Variants in AUP1 observed in about 807,000 individuals in gnomAD.
AUP1 encodes the protein AUP1 lipid droplet regulating VLDL assembly factor.
In AUP1, 30 loss-of-function variants were observed where a neutral mutation model predicts 51.8. That is an observed-to-expected ratio of 0.58 (90% CI 0.43 to 0.79). AUP1 has a LOEUF of 0.79. AUP1 is among the 30% of genes least tolerant of loss of function. AUP1 has a pLI of 0.00. For synonymous variants in AUP1, 227 were observed against 209.0 expected, an observed-to-expected ratio of 1.09 and a Z score of -0.74; for missense variants, 492 against 517.1, an observed-to-expected ratio of 0.95 and a Z score of 0.47.
chr2:74,528,181 G>T, intron 6 of AUP1, 67 bp downstream of exon 6: 1 of 1,527,462 alleles, frequency 6.5e-7, no homozygotes, highest in South Asian at 1.1e-5. Flanking sequence ...ACAGGGCAGA[G>T]GCCACTAATT....
At position 74,526,654 on chromosome 2, in the gene AUP1, G is replaced by A. The variant is rs952569773; in HGVS notation, c.*146C>T. On this transcript the variant is annotated 3_prime_UTR_variant, in exon 12 of 12. Coordinates refer to ENST00000377526, the MANE Select transcript of AUP1 (RefSeq NM_181575.5). The stretch of plus-strand genomic sequence containing the variant: ...GACCGAGAGAGACAACAGATGCCTT[G>A]AATGAAAACCATGAATTTAATGTGA... The A allele has an allele frequency of 3.8e-6, 4 of 1,060,960 alleles. No individual in the cohort carries two copies. Among genetic ancestry groups the A allele is most frequent in the Non-Finnish European group, 5.4e-6 (4 of 744,764 alleles). 65.7% of individuals were successfully genotyped at this position (1,060,960 alleles called of 1,614,324 possible). A position where few individuals can be genotyped will look rare whatever the true frequency, so the allele number is the denominator to read the frequency against.
chr2:74,527,236 C>T lies in AUP1; in HGVS notation c.1077+12G>A. On this transcript the variant is annotated intron_variant, in intron 10 of 11. Transcript: ENST00000377526. ...CCCCAACACTTGGATCTGACCATTT[C>T]CTGGGTCTCACCTTGGAGGCAGAGG... is the stretch of plus-strand genomic sequence containing the variant. The T allele has an allele frequency of 3.7e-6, 6 of 1,611,900 alleles. No individual in the cohort carries two copies. Among genetic ancestry groups the T allele is most frequent in the Non-Finnish European group, 5.1e-6 (6 of 1,178,730 alleles).
chr2:74,526,717 C>T lies in AUP1; in HGVS notation c.*83G>A, dbSNP rs190697890. On this transcript the variant is annotated 3_prime_UTR_variant, in exon 12 of 12. Transcript: ENST00000377526. The stretch of plus-strand genomic sequence containing the variant: ...CTCATCCTTCCCTTTTTACCACCCA[C>T]CCATCCAGCCTGTTGTGAGTTGGGT... 2,632 of 1,444,982 alleles carry T rather than the reference C, an allele frequency of 1.8e-3. 6 individuals are homozygous for T. Among genetic ancestry groups the T allele is most frequent in the Non-Finnish European group, 2.2e-3 (2,344 of 1,076,580 alleles). 89.5% of individuals were successfully genotyped at this position (1,444,982 alleles called of 1,614,324 possible).
At chr2:74,528,512 G>A (rs1413283612) in intron 4 of AUP1, 23 bp from the exon 5 acceptor site, 1 of 1,598,492 alleles carries the variant, frequency 6.3e-7, no homozygotes, top group South Asian at 1.1e-5. Context: ...GGAGAAAGTA[G>A]GATGGGAATC....
intron 4 of AUP1, 114 bp from the exon 5 acceptor site, chr2:74,528,603 G>A (rs1675318889): frequency 3.6e-6 from 5 of 1,383,764 alleles, no homozygotes; most frequent in Non-Finnish European, 4.1e-6. Flanking sequence ...GAAGAATGAA[G>A]GGATTCAGGA....
chr2:74,527,503 T>C lies in AUP1; in HGVS notation c.929A>G (p.His310Arg). ...LAQRVKEVLP[H>R]VPLGVIQRDL... ...TCTCTGGATGACACCCAATGGCACA[T>C]GGGGCAAAACTTCCTTGACTCTCTG... Residue 310 changes from histidine to arginine, a missense_variant, in exon 9 of 12, where the codon CAT becomes CGT. His to Arg is a conservative substitution (Grantham distance 29, BLOSUM62 0). Transcript: ENST00000377526. 1 of 1,613,838 alleles carries C rather than the reference T, an allele frequency of 6.2e-7. No homozygotes were observed. Among genetic ancestry groups the C allele is most frequent in the Non-Finnish European group, 8.5e-7 (1 of 1,179,928 alleles).
At chr2:74,528,376 C>T in intron 5 of AUP1, 41 bp downstream of exon 5, 1 of 1,611,708 alleles carries the variant, frequency 6.2e-7, no homozygotes, top group South Asian at 1.1e-5. Context: ...GGGAAATTTC[C>T]CCTTCAAGCC....
At chr2:74,527,897 T>C in intron 7 of AUP1, 43 bp downstream of exon 7, 1 of 1,613,628 alleles carries the variant, frequency 6.2e-7, no homozygotes, top group South Asian at 1.1e-5. Context: ...CCTCTCCTCC[T>C]AAGCAGGGAC....
Position 74,527,691 on chromosome 2 carries a change from G to A in AUP1, c.841+45C>T, listed in dbSNP as rs201835560. The A allele has an allele frequency of 4.8e-5, 59 of 1,219,306 alleles. No homozygotes were observed. The highest frequency in any genetic ancestry group is 4.5e-4 in the Admixed American group (21 of 46,494). The allele number at this position is 1,219,306 out of a possible 1,614,324, so 75.5% of individuals were successfully genotyped here. A position where few individuals can be genotyped will look rare whatever the true frequency, so the allele number is the denominator to read the frequency against. On this transcript the variant is annotated intron_variant, in intron 8 of 11. Coordinates refer to ENST00000377526, the MANE Select transcript of AUP1 (RefSeq NM_181575.5). ...AATAGGGGAGGAATCACAGTAGGCC[G>A]AAAAAAAAAAACCCCAAAAGCTGTA...
intron 4 of AUP1, 62 bp from the exon 5 acceptor site, chr2:74,528,551 G>A (rs1309061448): frequency 2.0e-6 from 3 of 1,477,986 alleles, no homozygotes; most frequent in African/African-American, 2.8e-5. Context: ...GCTCACACCT[G>A]CCTTATAACA....
rs372463403 is a variant in AUP1, at chr2:74,528,737, T to G, written c.524+14A>C. The G allele has an allele frequency of 6.7e-4, 1,058 of 1,574,090 alleles. 1 individual carries two copies. The highest frequency in any genetic ancestry group is 1.6e-3 in the Admixed American group (85 of 52,122). The stretch of plus-strand genomic sequence containing the variant: ...ACCTACCCAGCTGGCGCCCCATACC[T>G]GTGCTAAACCCACCTGAAGCGCAGG... On this transcript the variant is annotated intron_variant, in intron 4 of 11. Coordinates refer to ENST00000377526, the MANE Select transcript of AUP1 (RefSeq NM_181575.5).
chr2:74,527,887 C>G (rs767507069), intron 7 of AUP1, 49 bp from the exon 8 acceptor site: 3 of 1,613,448 alleles, frequency 1.9e-6, no homozygotes, highest in Non-Finnish European at 2.5e-6. Context: ...AGCTTTCCTC[C>G]CTCTCCTCCT....
chr2:74,529,356 C>A lies in AUP1; in HGVS notation c.188+6G>T. 1 of 1,612,302 alleles carries A rather than the reference C, an allele frequency of 6.2e-7. No homozygotes were observed. The highest frequency in any genetic ancestry group is 8.5e-7 in the Non-Finnish European group (1 of 1,179,212). On this transcript the variant is annotated splice_donor_region_variant and intron_variant, in intron 2 of 11. Transcript: ENST00000377526. ...TCTGACACTCCCCGAACGCCCGCGT[C>A]GGAACCTGCGAAGGACGCTGTCTGG...
At position 74,527,774 on chromosome 2, in the gene AUP1, A is replaced by G; in HGVS notation, c.803T>C (p.Met268Thr). ...CAATCTGGGGTGTCTTTGTCGCTTC[A>G]TGTGCTCTGCTTTGTCAGCTGGAGT... ...RLTPADKAEH[M>T]KRQRHPRLRP... is the part of the protein sequence containing the mutation. Residue 268 changes from methionine (M) to threonine (T), a missense_variant, in exon 8 of 12, where the codon ATG becomes ACG. By Grantham distance (81) the Met-to-Thr change is moderately conservative. Coordinates refer to ENST00000377526, the MANE Select transcript of AUP1 (RefSeq NM_181575.5). 2 of 1,613,820 alleles carry G rather than the reference A, an allele frequency of 1.2e-6. No individual in the cohort carries two copies. Among genetic ancestry groups the G allele is most frequent in the East Asian group, 2.2e-5 (1 of 44,874 alleles).
rs745782270 is a variant in AUP1 at position 74,527,762 on chromosome 2, C to T, written c.815G>A (p.Arg272Lys). ...TGACTGGGGGCGCAATCTGGGGTGT[C>T]TTTGTCGCTTCATGTGCTCTGCTTT... ...ADKAEHMKRQ[R>K]HPRLRPQSAQ... The change falls in exon 8 of 12, where the codon AGA becomes AAA. Residue 272 changes from arginine to lysine, a missense_variant. Physicochemically the swap from Arg to Lys is conservative, Grantham distance 26. Transcript: ENST00000377526. The T allele has an allele frequency of 9.9e-6, 16 of 1,613,866 alleles. No individual in the cohort carries two copies. The highest frequency in any genetic ancestry group is 1.4e-5 in the Non-Finnish European group (16 of 1,180,008).
intron 10 of AUP1, 87 bp downstream of exon 10, chr2:74,527,161 C>A: frequency 1.2e-6 from 2 of 1,603,012 alleles, no homozygotes; most frequent in South Asian, 2.2e-5. Context: ...GTCTCAGGAT[C>A]AAAAAAGAAA....
rs774720493 is a variant in AUP1 at position 74,527,586 on chromosome 2, C to T, written c.846G>A (p.Gln282=). 3.1e-6 allele frequency: 5 copies of T among 1,598,838 alleles called. No individual in the cohort carries two copies. Among genetic ancestry groups the T allele is most frequent in the South Asian group, 2.3e-5 (2 of 88,152 alleles). Residue 282 remains glutamine (Q), a synonymous_variant, in exon 9 of 12, where the codon CAG becomes CAA. Transcript: ENST00000377526. ...GACCAGGGGAGGGAGGGAAAGAAGA[C>T]TGGGCTGTGGAAAAAGGAAAAAAAG... ...RHPRLRPQSA[Q]SSFPPSPGPS...
At position 74,529,355 on chromosome 2, in the gene AUP1, T is replaced by C. The variant is rs751662114; in HGVS notation, c.188+7A>G. 6.2e-7 allele frequency: 1 copy of C among 1,612,262 alleles called. No individual in the cohort carries two copies. Among genetic ancestry groups the C allele is most frequent in the African/African-American group, 1.3e-5 (1 of 74,832 alleles). ...CTCTGACACTCCCCGAACGCCCGCG[T>C]CGGAACCTGCGAAGGACGCTGTCTG... On this transcript the variant is annotated splice_region_variant and intron_variant, in intron 2 of 11. Transcript: ENST00000377526.
chr2:74,529,243 C>T lies in AUP1; in HGVS notation c.228G>A (p.Val76=). 6.2e-7 allele frequency: 1 copy of T among 1,614,240 alleles called. No individual in the cohort carries two copies. Among genetic ancestry groups the T allele is most frequent in the Non-Finnish European group, 8.5e-7 (1 of 1,180,030 alleles). ...VRTMCAVLGL[V]ARQEDSGLRD... Reference sequence around the variant, plus strand: ...GGAGTCCGGAGTCCTCCTGCCGGGCCACGAGCCCTAGCACCGCACACATGG... The same window carrying T: ...GGAGTCCGGAGTCCTCCTGCCGGGCTACGAGCCCTAGCACCGCACACATGG... The change falls in exon 3 of 12, where the codon GTG becomes GTA. Residue 76 remains valine (V), a synonymous_variant. Coordinates refer to ENST00000377526, the MANE Select transcript of AUP1 (RefSeq NM_181575.5).
Sources: gnomAD v4.1 joint callset for allele counts on GRCh38, gnomAD v4.1.1 for gene constraint, MANE v1.5 for transcripts, NCBI Gene and HGNC (gene_info 2026-07-23, HGNC 2026-07-21) for gene names.